The following AKAP6 variants were observed in gnomAD, a reference collection of about 807,000 sequenced individuals.
The protein encoded by AKAP6 is A-kinase anchoring protein 6, also known as A-kinase anchor protein 6.
In AKAP6, 58 loss-of-function variants were observed where a neutral mutation model predicts 188.5. The ratio of observed to expected loss-of-function variants is 0.31; its 90% CI spans 0.25 to 0.38. The LOEUF (loss-of-function observed/expected upper bound fraction) is 0.38, where lower values mean the gene tolerates loss of function less well. AKAP6 is among the 10% of genes least tolerant of loss of function. The pLI is 1.00. For missense variants in AKAP6, 2,710 were observed against 2,740.0 expected (o/e 0.99, Z 0.24); for synonymous variants, 989 against 998.6 (o/e 0.99, Z 0.18).
At chr14:32,598,375 AC>A (rs1359151618) in intron 5 of AKAP6, among the ~76,000 whole-genome samples, 1 of 152,150 alleles carries the variant, frequency 6.6e-6, no homozygotes, top group Non-Finnish European at 1.5e-5. Flanking sequence ...CCCCAAATTA[AC>A]CATTGGTTCA....
chr14:32,789,248 AG>A (rs1233541990), intron 12 of AKAP6, among the ~76,000 whole-genome samples: 1 of 151,986 alleles, frequency 6.6e-6, no homozygotes, highest in Admixed American at 6.6e-5. Context: ...TCCTGTGGGG[AG>A]GGGCAGCTGC....
At chr14:32,547,654 G>A (rs1883260105) in intron 4 of AKAP6, among the ~76,000 whole-genome samples, 2 of 152,020 alleles carry the variant, frequency 1.3e-5, no homozygotes, top group Non-Finnish European at 2.9e-5. Context: ...AAAATCTCAG[G>A]ACCGACGGCT....
At chr14:32,404,962 G>T (rs910938406) in intron 1 of AKAP6, among the ~76,000 whole-genome samples, 2 of 151,120 alleles carry the variant, frequency 1.3e-5, no homozygotes, top group African/African-American at 4.9e-5. Context: ...GAGAGAGAGA[G>T]AATGTTGAGA....
intron 9 of AKAP6, among the ~76,000 whole-genome samples, chr14:32,723,853 G>C (rs978858330): frequency 1.3e-5 from 2 of 152,146 alleles, no homozygotes; most frequent in Non-Finnish European, 2.9e-5. Flanking sequence ...ATATGAAAGA[G>C]AGAAGAGGAT....
intron 1 of AKAP6, among the ~76,000 whole-genome samples, chr14:32,394,105 A>T (rs900200013): frequency 3.3e-5 from 5 of 152,152 alleles, no homozygotes; most frequent in African/African-American, 1.2e-4. Flanking sequence ...TTGAGTATGA[A>T]ATTGACAACT....
At chr14:32,605,794 C>G (rs936769538) in intron 7 of AKAP6, among the ~76,000 whole-genome samples, 1 of 151,970 alleles carries the variant, frequency 6.6e-6, no homozygotes, top group Non-Finnish European at 1.5e-5. Context: ...TCATCTTAGA[C>G]CTAAAGAGGA....
intron 2 of AKAP6, among the ~76,000 whole-genome samples, chr14:32,499,188 G>A (rs1042704204): frequency 2.0e-5 from 3 of 152,076 alleles, no homozygotes; most frequent in Non-Finnish European, 2.9e-5. Flanking sequence ...TTGGCTGTTA[G>A]CAATGTTCAA....
At chr14:32,478,898 C>T (rs1356198817) in intron 2 of AKAP6, among the ~76,000 whole-genome samples, 1 of 152,034 alleles carries the variant, frequency 6.6e-6, no homozygotes, top group Non-Finnish European at 1.5e-5. Flanking sequence ...CCCCCTTTGA[C>T]TCAGAATAAA....
intron 1 of AKAP6, among the ~76,000 whole-genome samples, chr14:32,342,514 C>T (rs759412822): frequency 3.9e-5 from 6 of 152,206 alleles, no homozygotes; most frequent in Non-Finnish European, 5.9e-5. Context: ...TGCTCTTCTA[C>T]TTCCTGCCTT....
intron 8 of AKAP6, among the ~76,000 whole-genome samples, chr14:32,678,717 G>A (rs1469867461): frequency 6.6e-6 from 1 of 152,090 alleles, no homozygotes; most frequent in Non-Finnish European, 1.5e-5. Context: ...AAGTGTTTTT[G>A]TGACTACGAT....
intron 4 of AKAP6, among the ~76,000 whole-genome samples, chr14:32,576,316 G>T (rs909425942): frequency 3.9e-5 from 6 of 152,064 alleles, no homozygotes; most frequent in Admixed American, 3.9e-4. Flanking sequence ...GAAAGCAGGA[G>T]CCCAGCCCCA....
At chr14:32,443,424 A>T (rs2138745910) in intron 2 of AKAP6, among the ~76,000 whole-genome samples, 1 of 151,976 alleles carries the variant, frequency 6.6e-6, no homozygotes, top group East Asian at 1.9e-4. Context: ...AAAACAAAAA[A>T]ACAAAAAAAC....
chr14:32,346,448 C>G (rs916954463), intron 1 of AKAP6, among the ~76,000 whole-genome samples: 3 of 152,336 alleles, frequency 2.0e-5, no homozygotes, highest in Admixed American at 6.5e-5. Context: ...AGCACTTTCA[C>G]TTGTAACTTC....
At chr14:32,613,529 C>T (rs975552223) in intron 7 of AKAP6, among the ~76,000 whole-genome samples, 3 of 152,284 alleles carry the variant, frequency 2.0e-5, no homozygotes, top group Admixed American at 6.5e-5. Context: ...TTTTCTGCTG[C>T]TCATCCCCAA....
At chr14:32,511,190 A>G (rs1881240495) in intron 2 of AKAP6, among the ~76,000 whole-genome samples, 1 of 152,152 alleles carries the variant, frequency 6.6e-6, no homozygotes, top group Admixed American at 6.6e-5. Context: ...CTCTCTGATT[A>G]TTGAGTTCAG....
At chr14:32,648,233 G>T (rs1888064033) in intron 7 of AKAP6, among the ~76,000 whole-genome samples, 1 of 152,118 alleles carries the variant, frequency 6.6e-6, no homozygotes, top group African/African-American at 2.4e-5. Context: ...GTTTATTTGA[G>T]CTGGATTTGC....
chr14:32,610,690 G>C (rs1490030112), intron 7 of AKAP6, among the ~76,000 whole-genome samples: 2 of 152,208 alleles, frequency 1.3e-5, no homozygotes, highest in African/African-American at 4.8e-5. Flanking sequence ...ATTGGTAGTA[G>C]AAAGATGTTG....
intron 4 of AKAP6, among the ~76,000 whole-genome samples, chr14:32,569,956 C>T (rs1884399440): frequency 6.6e-6 from 1 of 151,978 alleles, no homozygotes; most frequent in African/African-American, 2.4e-5. Context: ...TGATGCCCTC[C>T]AGATCCACTG....
intron 7 of AKAP6, among the ~76,000 whole-genome samples, chr14:32,661,774 A>G (rs1022413528): frequency 1.3e-5 from 2 of 152,140 alleles, no homozygotes; most frequent in African/African-American, 2.4e-5. Flanking sequence ...CTCATTATCT[A>G]TGTGACTTTG....
Sources: allele counts gnomAD v4.1 joint callset (sites outside exome capture counted in the v4.1 genomes callset), GRCh38; gene constraint gnomAD v4.1.1; transcripts MANE v1.5; gene names NCBI Gene and HGNC (gene_info 2026-07-23, HGNC 2026-07-21).